SANBR: variants seen among roughly 807,000 people sequenced by gnomAD.
SANBR encodes the protein SANT and BTB domain regulator of CSR.
Under a neutral mutation model 101.8 loss-of-function variants are expected in SANBR, and 77 were observed. The ratio of observed to expected loss-of-function variants is 0.76; its 90% CI spans 0.63 to 0.91. The LOEUF is 0.91. SANBR is among the 40% of genes least tolerant of loss of function. The pLI is 0.00. For missense variants in SANBR, 875 were observed against 853.0 expected (o/e 1.03, Z -0.32); for synonymous variants, 279 against 274.7 (o/e 1.02, Z -0.15).
At chr2:61,067,624 T>C (rs1681247699) in intron 1 of SANBR, among the ~76,000 whole-genome samples, 2 of 152,236 alleles carry the variant, frequency 1.3e-5, no homozygotes, top group South Asian at 4.1e-4. Context: ...TAGTCCCAGC[T>C]ACTCGGGAGG....
chr2:61,122,025 A>G (rs1283771476), intron 21 of SANBR, 101 bp from the exon 22 acceptor site: 2 of 1,461,658 alleles, frequency 1.4e-6, no homozygotes, highest in Non-Finnish European at 1.8e-6. Context: ...AAGAAGATTT[A>G]TTAAACCTTG....
At chr2:61,097,671 G>A in intron 11 of SANBR, 29 bp from the exon 12 acceptor site, 6 of 1,493,682 alleles carry the variant, frequency 4.0e-6, no homozygotes, top group Non-Finnish European at 5.5e-6. Flanking sequence ...TGTGGAAATA[G>A]TAGTTGATTT....
At chr2:61,133,798 C>T (rs1684760139) in intron 20 of SANBR, among the ~76,000 whole-genome samples, 1 of 151,970 alleles carries the variant, frequency 6.6e-6, no homozygotes, top group Non-Finnish European at 1.5e-5. Flanking sequence ...GATATGGGCA[C>T]CTGGGATGAT....
chr2:61,095,867 T>C (rs1313492963), intron 11 of SANBR, among the ~76,000 whole-genome samples: 1 of 152,188 alleles, frequency 6.6e-6, no homozygotes, highest in Non-Finnish European at 1.5e-5. Context: ...GTTTCACTTT[T>C]TCACCTTTTC....
chr2:61,117,496 C>G lies in SANBR; in HGVS notation c.1895C>G (p.Ala632Gly). 2 of 1,613,716 alleles carry G rather than the reference C, an allele frequency of 1.2e-6. No homozygotes were observed. The highest frequency in any genetic ancestry group is 1.7e-6 in the Non-Finnish European group (2 of 1,179,820). ...AGTATGCAGAAGAATAAGTGGGATG[C>G]CACAAGATCCTTGAGATTCAACCAG... ...VMSMQKNKWD[A>G]TRSLRFNQDA... The change falls in exon 19 of 22, where the codon GCC becomes GGC. Residue 632 changes from alanine (A) to glycine (G), a missense_variant. By Grantham distance (60) the Ala-to-Gly change is moderately conservative. Coordinates refer to ENST00000402291, the MANE Select transcript of SANBR (RefSeq NM_001129993.3).
At chr2:61,107,682 C>T (rs1007146224) in intron 14 of SANBR, among the ~76,000 whole-genome samples, 6 of 152,088 alleles carry the variant, frequency 3.9e-5, no homozygotes, top group Admixed American at 2.0e-4. Context: ...GATCAGGAGT[C>T]CAAGACCAGT....
At chr2:61,115,474 A>G (rs900296673) in intron 16 of SANBR, among the ~76,000 whole-genome samples, 7 of 152,068 alleles carry the variant, frequency 4.6e-5, no homozygotes, top group African/African-American at 1.7e-4. Flanking sequence ...CTGGGATTAC[A>G]GGCATGCACC....
intron 11 of SANBR, among the ~76,000 whole-genome samples, chr2:61,093,747 C>T (rs1682892204): frequency 6.6e-6 from 1 of 152,194 alleles, no homozygotes; most frequent in Non-Finnish European, 1.5e-5. Context: ...TCAGAAGCAC[C>T]TTTGCAGATA....
At chr2:61,072,185 C>T (rs770595811) in intron 4 of SANBR, among the ~76,000 whole-genome samples, 11 of 152,130 alleles carry the variant, frequency 7.2e-5, no homozygotes, top group South Asian at 4.1e-4. Context: ...GCCATCCGTC[C>T]GCCTCAGCTT....
At chr2:61,122,042 C>T (rs1008650522) in intron 21 of SANBR, 84 bp from the exon 22 acceptor site, 1 of 1,506,190 alleles carries the variant, frequency 6.6e-7, no homozygotes, top group Non-Finnish European at 8.9e-7. Flanking sequence ...CTTGATGTTG[C>T]CAAGCCAACA....
intron 7 of SANBR, among the ~76,000 whole-genome samples, chr2:61,081,995 C>G (rs1682160021): frequency 6.6e-6 from 1 of 152,050 alleles, no homozygotes; most frequent in Admixed American, 6.6e-5. Context: ...GTTTATTTGA[C>G]TCTTTGGGGT....
Position 61,109,208 on chromosome 2 carries a change from A to G in SANBR, c.1656A>G (p.Ser552=), listed in dbSNP as rs768669798. 1.9e-5 allele frequency: 29 copies of G among 1,495,850 alleles called. No individual in the cohort carries two copies. Among genetic ancestry groups the G allele is most frequent in the Non-Finnish European group, 2.6e-5 (29 of 1,112,344 alleles). The allele number at this position is 1,495,850 out of a possible 1,614,324, so 92.7% of individuals were successfully genotyped here. The change falls in exon 16 of 22, where the codon TCA becomes TCG. Residue 552 remains serine (S), a synonymous_variant. Transcript: ENST00000402291. ...TTTTTTTAACTTAGAAACAACAGTC[A>G]CTGTTTTCAGAAGAAGAAGAATATA... The part of the protein sequence containing the change: ...KNWTLQLKQQ[S]LFSEEEEYTT...
chr2:61,084,112 C>T (rs549019804), intron 8 of SANBR, among the ~76,000 whole-genome samples: 80 of 152,132 alleles, frequency 5.3e-4, no homozygotes, highest in African/African-American at 1.3e-3. Context: ...CGCCACCATG[C>T]GCAGCTGATT....
intron 13 of SANBR, 41 bp from the exon 14 acceptor site, chr2:61,106,522 A>G (rs543623110): frequency 2.2e-6 from 3 of 1,355,558 alleles, no homozygotes; most frequent in Non-Finnish European, 3.1e-6. Flanking sequence ...AATTTTTAAG[A>G]AAGTAAACTC....
At chr2:61,081,229 T>C (rs527928144) in intron 6 of SANBR, among the ~76,000 whole-genome samples, 1 of 152,264 alleles carries the variant, frequency 6.6e-6, no homozygotes, top group Non-Finnish European at 1.5e-5. Context: ...CTTTTTACTT[T>C]ATATGAATCT....
chr2:61,092,084 T>A (rs1242337356), intron 10 of SANBR, among the ~76,000 whole-genome samples: 1 of 152,224 alleles, frequency 6.6e-6, no homozygotes. Flanking sequence ...CATTTAACAT[T>A]TGCCTAATTC....
At position 61,103,914 on chromosome 2, in the gene SANBR, C is replaced by T. The variant is rs779952718; in HGVS notation, c.1427C>T (p.Pro476Leu). Residue 476 changes from proline to leucine, a missense_variant, in exon 13 of 22, where the codon CCG becomes CTG. By Grantham distance (98) the Pro-to-Leu change is moderately conservative. Coordinates refer to ENST00000402291, the MANE Select transcript of SANBR (RefSeq NM_001129993.3). The part of the protein sequence containing the change: ...LRDQGEGGDL[P>L]SCPTARMLDD... ...GATCAAGGTGAAGGCGGAGATTTGCCGTCCTGTCCCACTGCTAGAATGTTG... is the reference window on the plus strand; with the variant it reads ...GATCAAGGTGAAGGCGGAGATTTGCTGTCCTGTCCCACTGCTAGAATGTTG... 35 of 1,614,016 alleles carry T rather than the reference C, an allele frequency of 2.2e-5. No individual in the cohort carries two copies. The highest frequency in any genetic ancestry group is 2.7e-5 in the Non-Finnish European group (32 of 1,179,992).
chr2:61,070,443 TC>T lies in SANBR; in HGVS notation c.94del (p.Gln32ArgfsTer8). 1 of 1,602,348 alleles carries T rather than the reference TC, an allele frequency of 6.2e-7. No individual in the cohort carries two copies. Among genetic ancestry groups the T allele is most frequent in the Admixed American group, 1.7e-5 (1 of 57,692 alleles). Reference sequence around the variant, plus strand: ...TCCTTTATCCATTAATTGGAATCCCTCAGACTATCAACTGGGAAACTATAGC... The same window carrying T: ...TCCTTTATCCATTAATTGGAATCCCTAGACTATCAACTGGGAAACTATAGC... ...MILYPLIGIP[Q>X]TINWETIARL... On this transcript the variant is annotated frameshift_variant, in exon 3 of 22. Transcript: ENST00000402291. LOFTEE classifies it high-confidence loss of function.
At chr2:61,071,548 TCAA>T in intron 3 of SANBR, 55 bp from the exon 4 acceptor site, 1 of 963,608 alleles carries the variant, frequency 1.0e-6, no homozygotes, top group Non-Finnish European at 1.5e-6. Context: ...AGACTCCGTC[TCAA>T]AAAAAAAAAA....
Sources: gnomAD v4.1 joint callset for allele counts (sites outside exome capture counted in the v4.1 genomes callset) on GRCh38, gnomAD v4.1.1 for gene constraint, MANE v1.5 for transcripts, NCBI Gene and HGNC (gene_info 2026-07-23, HGNC 2026-07-21) for gene names.